Variants in SWAP70 observed in about 807,000 individuals in gnomAD.
SWAP70 encodes switching B cell complex subunit SWAP70.
A neutral mutation model predicts 80.2 loss-of-function variants in SWAP70; 34 were observed. That is an observed-to-expected ratio of 0.42 (90% confidence interval 0.32 to 0.56). The LOEUF (loss-of-function observed/expected upper bound fraction) is 0.56, where lower values mean the gene tolerates loss of function less well. SWAP70 is among the 20% of genes least tolerant of loss of function. The probability of loss-of-function intolerance (pLI) is 0.09; values close to 1 mark genes in which losing one functional copy is unlikely to be tolerated. For synonymous variants in SWAP70, 239 were observed against 238.5 expected (o/e 1.00, Z -0.02); for missense variants, 578 against 690.7 (o/e 0.84, Z 1.83).
At chr11:9,739,909 T>C (rs1398129981) in intron 8 of SWAP70, among the ~76,000 whole-genome samples, 2 of 152,230 alleles carry the variant, frequency 1.3e-5, no homozygotes, top group Non-Finnish European at 2.9e-5. Flanking sequence ...TTTTCTTGAC[T>C]TGAGTCTTAA....
intron 1 of SWAP70, among the ~76,000 whole-genome samples, chr11:9,667,625 C>T (rs756952581): frequency 3.9e-5 from 6 of 151,982 alleles, no homozygotes; most frequent in African/African-American, 1.2e-4. Context: ...TGCGGTGGCG[C>T]GATCATGGCT....
At chr11:9,671,640 T>A (rs1205678853) in intron 1 of SWAP70, among the ~76,000 whole-genome samples, 11 of 19,434 alleles carry the variant, frequency 5.7e-4, no homozygotes, top group Admixed American at 7.8e-4. Context: ...ATATAAATAT[T>A]TCTATATAAA....
intron 1 of SWAP70, among the ~76,000 whole-genome samples, chr11:9,687,134 G>A (rs1038869612): frequency 6.6e-6 from 1 of 152,204 alleles, no homozygotes; most frequent in African/African-American, 2.4e-5. Context: ...GATACTGCAA[G>A]CTACGCAATT....
chr11:9,673,018 C>T (rs1850439039), intron 1 of SWAP70, among the ~76,000 whole-genome samples: 2 of 152,132 alleles, frequency 1.3e-5, no homozygotes, highest in Admixed American at 6.6e-5. Flanking sequence ...GGTTTCTCCC[C>T]ACACACCAAG....
chr11:9,739,756 G>T (rs1195446636), intron 8 of SWAP70, among the ~76,000 whole-genome samples: 8 of 152,168 alleles, frequency 5.3e-5, no homozygotes, highest in Non-Finnish European at 1.0e-4. Flanking sequence ...CTTCTTTAGT[G>T]TAACACTAAA....
intron 1 of SWAP70, among the ~76,000 whole-genome samples, chr11:9,678,896 G>A (rs889977079): frequency 1.3e-5 from 2 of 152,004 alleles, no homozygotes; most frequent in Non-Finnish European, 2.9e-5. Flanking sequence ...CAAGCCTAAG[G>A]TAGATCCTTG....
In SWAP70 at chr11:9,675,340, A is replaced by C. The variant is rs976373864; in HGVS notation, c.99+11062A>C. Among the ~76,000 whole-genome samples the C allele has an allele frequency of 1.0e-3, 65 of 62,400 alleles. 26 individuals are homozygous for C. The highest frequency in any genetic ancestry group is 1.3e-3 in the Non-Finnish European group (35 of 27,262). 40.9% of individuals were successfully genotyped at this position (62,400 alleles called of 152,430 possible). The stretch of plus-strand genomic sequence containing the variant: ...GGGAGCGAGAGAGAGAGAGAGAGAG[A>C]GGGAGCGAGAGAGAGAGAGAGAGAG... On this transcript the variant is annotated intron_variant, in intron 1 of 11. Transcript: ENST00000318950.
chr11:9,666,658 T>C (rs1850310589), intron 1 of SWAP70, among the ~76,000 whole-genome samples: 1 of 152,168 alleles, frequency 6.6e-6, no homozygotes, highest in Non-Finnish European at 1.5e-5. Context: ...CATTTCTCTT[T>C]TAAAGATCTT....
rs368258051 is a variant in SWAP70 at position 9,694,318 on chromosome 11, T to C, written c.240+32T>C. On this transcript the variant is annotated intron_variant, in intron 2 of 11. Coordinates refer to ENST00000318950, the MANE Select transcript of SWAP70 (RefSeq NM_015055.4). ...TTCTAACCTTTTTTTGGGTGTAGCATTGTTTGGTTTGCATGTTTCAAGTGG... is the reference window on the plus strand; with the variant it reads ...TTCTAACCTTTTTTTGGGTGTAGCACTGTTTGGTTTGCATGTTTCAAGTGG... 43 of 1,572,536 alleles carry C rather than the reference T, an allele frequency of 2.7e-5. No homozygotes were observed. In the African/African-American group the frequency reaches 5.6e-4, roughly 20 times the overall value.
At chr11:9,725,530 A>AAAATATAT (rs1440784787) in intron 4 of SWAP70, among the ~76,000 whole-genome samples, 8 of 60,576 alleles carry the variant, frequency 1.3e-4, no homozygotes, top group African/African-American at 5.3e-4. Flanking sequence ...AAAAATACAA[A>AAAATATAT]ATATATATAT....
At chr11:9,668,839 A>T (rs1377669097) in intron 1 of SWAP70, among the ~76,000 whole-genome samples, 6 of 152,312 alleles carry the variant, frequency 3.9e-5, no homozygotes, top group African/African-American at 1.4e-4. Flanking sequence ...TGACACAGAG[A>T]ATGGATATAT....
At chr11:9,726,981 C>T (rs1023918161) in intron 4 of SWAP70, 2 of 456,110 alleles carry the variant, frequency 4.4e-6, no homozygotes, top group Non-Finnish European at 8.8e-6. Flanking sequence ...AGGTGGAAGT[C>T]CTTGAATATT....
intron 11 of SWAP70, 111 bp from the exon 12 acceptor site, chr11:9,749,753 T>C: frequency 3.0e-6 from 2 of 665,214 alleles, no homozygotes; most frequent in East Asian, 5.5e-5. Flanking sequence ...TTTATGCATG[T>C]TCCTCAAAGA....
chr11:9,727,368 G>A (rs1851238985), intron 4 of SWAP70, among the ~76,000 whole-genome samples: 2 of 152,122 alleles, frequency 1.3e-5, no homozygotes, highest in South Asian at 4.1e-4. Context: ...TCCAGCCTGG[G>A]CGACAGAGCG....
chr11:9,684,616 G>T (rs570387316), intron 1 of SWAP70, among the ~76,000 whole-genome samples: 1 of 152,042 alleles, frequency 6.6e-6, no homozygotes, highest in Non-Finnish European at 1.5e-5. Flanking sequence ...CAGGCCAGAC[G>T]AGTTGTGCTT....
chr11:9,697,414 C>T (rs1850773083), intron 2 of SWAP70, among the ~76,000 whole-genome samples: 1 of 151,848 alleles, frequency 6.6e-6, no homozygotes, highest in African/African-American at 2.4e-5. Context: ...TCCTGAGTAG[C>T]TGGGATTACA....
chr11:9,664,153 G>T lies in SWAP70; in HGVS notation c.-27G>T, dbSNP rs1850277992. On this transcript the variant is annotated 5_prime_UTR_variant, in exon 1 of 12. Transcript: ENST00000318950. Reference sequence around the variant, plus strand: ...GCGGAGGGGCTGGCTGGGCAGGAGGGGTTGGCGGGGCAGCAGGGCCGCGGC... The same window carrying T: ...GCGGAGGGGCTGGCTGGGCAGGAGGTGTTGGCGGGGCAGCAGGGCCGCGGC... 1.3e-6 allele frequency: 2 copies of T among 1,550,318 alleles called. No homozygotes were observed. Among genetic ancestry groups the T allele is most frequent in the Admixed American group, 2.0e-5 (1 of 50,882 alleles).
At chr11:9,695,531 G>A (rs551473505) in intron 2 of SWAP70, among the ~76,000 whole-genome samples, 18 of 149,622 alleles carry the variant, frequency 1.2e-4, no homozygotes, top group African/African-American at 3.7e-4. Flanking sequence ...CAGAAAACCA[G>A]ACACCACGTG....
intron 1 of SWAP70, among the ~76,000 whole-genome samples, chr11:9,688,067 C>A (rs1287545461): frequency 6.6e-6 from 1 of 151,886 alleles, no homozygotes; most frequent in Admixed American, 6.6e-5. Flanking sequence ...TGACTTAGGC[C>A]AAGTCTCAGG....
Sources: allele counts gnomAD v4.1 joint callset (sites outside exome capture counted in the v4.1 genomes callset), GRCh38; gene constraint gnomAD v4.1.1; transcripts MANE v1.5; gene names NCBI Gene and HGNC (gene_info 2026-07-23, HGNC 2026-07-21).